Variants in SFMBT1 observed in about 807,000 individuals in gnomAD.
SFMBT1 encodes Scm like with four mbt domains 1.
Under a neutral mutation model 108.7 loss-of-function variants are expected in SFMBT1, and 32 were observed. That is an observed-to-expected ratio of 0.29 (90% CI 0.22 to 0.40). The LOEUF (loss-of-function observed/expected upper bound fraction) is 0.40, where lower values mean the gene tolerates loss of function less well. Ranked by LOEUF, SFMBT1 falls within the 10% of genes least tolerant of loss-of-function variation. The probability of loss-of-function intolerance (pLI) is 1.00; values close to 1 mark genes in which losing one functional copy is unlikely to be tolerated. For synonymous variants in SFMBT1, 348 were observed against 369.5 expected, an observed-to-expected ratio of 0.94 and a Z score of 0.67; for missense variants, 816 against 1,059.6, an observed-to-expected ratio of 0.77 and a Z score of 3.19.
At chr3:53,021,190 G>A (rs916240678) in intron 1 of SFMBT1, among the ~76,000 whole-genome samples, 1 of 152,140 alleles carries the variant, frequency 6.6e-6, no homozygotes, top group Non-Finnish European at 1.5e-5. Flanking sequence ...CATTTCTAAC[G>A]AAAGACCAAA....
At chr3:53,023,126 G>A (rs1053252430) in intron 1 of SFMBT1, among the ~76,000 whole-genome samples, 3 of 152,140 alleles carry the variant, frequency 2.0e-5, no homozygotes, top group Admixed American at 6.5e-5. Context: ...GGAGCAACCC[G>A]ACCTTTAAAT....
chr3:52,949,164 T>C (rs147255606), intron 3 of SFMBT1, among the ~76,000 whole-genome samples: 1 of 152,190 alleles, frequency 6.6e-6, no homozygotes, highest in Non-Finnish European at 1.5e-5. Flanking sequence ...AATTTCACTG[T>C]GGTTTGAGAG....
chr3:53,031,722 G>A (rs544951942), intron 1 of SFMBT1, among the ~76,000 whole-genome samples: 8 of 152,066 alleles, frequency 5.3e-5, no homozygotes, highest in Admixed American at 1.3e-4. Flanking sequence ...ATGCCATGGT[G>A]ATTAAAAGAC....
chr3:52,969,308 C>CA, intron 1 of SFMBT1, 50 bp from the exon 2 acceptor site: 1 of 1,450,268 alleles, frequency 6.9e-7, no homozygotes, highest in Non-Finnish European at 9.0e-7. Flanking sequence ...CAAGTGTGCT[C>CA]ACTCACTCAT....
At chr3:52,950,108 T>C (rs537034424) in intron 3 of SFMBT1, among the ~76,000 whole-genome samples, 4 of 152,348 alleles carry the variant, frequency 2.6e-5, no homozygotes, top group East Asian at 3.9e-4. Context: ...TGATTACTGA[T>C]ATAGTTGGAT....
intron 1 of SFMBT1, among the ~76,000 whole-genome samples, chr3:52,986,327 A>G (rs1559538206): frequency 6.6e-6 from 1 of 152,148 alleles, no homozygotes; most frequent in African/African-American, 2.4e-5. Context: ...AGCCACATTA[A>G]ATTTGTTTTA....
In SFMBT1 at chr3:52,905,288, T is replaced by A; in HGVS notation, c.2461-12A>T. The A allele has an allele frequency of 6.2e-7, 1 of 1,610,908 alleles. No individual in the cohort carries two copies. Among genetic ancestry groups the A allele is most frequent in the Non-Finnish European group, 8.5e-7 (1 of 1,178,654 alleles). On this transcript the variant is annotated splice_polypyrimidine_tract_variant and intron_variant, in intron 20 of 20. Transcript: ENST00000394752. ...TGCCCATCAATTTCCTGTTAAAGCA[T>A]AAAAGACAAATTATCTGTGATGTGC... is the stretch of plus-strand genomic sequence containing the variant.
At chr3:52,910,982 C>T (rs555071503) in intron 17 of SFMBT1, 21 bp downstream of exon 17, 8 of 1,612,908 alleles carry the variant, frequency 5.0e-6, no homozygotes, top group East Asian at 4.5e-5. Flanking sequence ...ATGGTTAACA[C>T]ATTGGAAAAA....
At position 52,972,720 on chromosome 3, in the gene SFMBT1, C is replaced by T. The variant is rs1015312755; in HGVS notation, c.-130-3462G>A. Among the ~76,000 whole-genome samples the T allele has an allele frequency of 3.1e-3, 449 of 145,926 alleles. 4 individuals carry two copies. The highest frequency in any genetic ancestry group is 6.5e-3 in the East Asian group (31 of 4,766). ...ATCAGGAGTTTGACAGCCTGGCCAA[C>T]GTGGTAAAACCCCATCTCTACTAAA... On this transcript the variant is annotated intron_variant, in intron 1 of 20. Coordinates refer to ENST00000394752, the MANE Select transcript of SFMBT1 (RefSeq NM_016329.4).
intron 3 of SFMBT1, among the ~76,000 whole-genome samples, chr3:52,945,839 A>T (rs900970109): frequency 2.0e-5 from 3 of 152,066 alleles, no homozygotes; most frequent in African/African-American, 7.2e-5. Context: ...AAAAGAGATA[A>T]ACATTGCAGG....
chr3:53,004,119 C>A (rs968427799), intron 1 of SFMBT1, among the ~76,000 whole-genome samples: 14 of 149,678 alleles, frequency 9.4e-5, no homozygotes, highest in African/African-American at 3.4e-4. Context: ...GAAACAAATT[C>A]ATATTTCCTC....
intron 3 of SFMBT1, among the ~76,000 whole-genome samples, chr3:52,953,350 G>A (rs947630184): frequency 9.2e-5 from 14 of 152,074 alleles, no homozygotes; most frequent in African/African-American, 3.4e-4. Flanking sequence ...TTACTTAAGA[G>A]GCTGAGGTGG....
Position 52,928,084 on chromosome 3 carries a change from G to C in SFMBT1, c.1048+107C>G, listed in dbSNP as rs564671087. 8 of 1,416,300 alleles carry C rather than the reference G, an allele frequency of 5.6e-6. No homozygotes were observed. The South Asian group carries it at 9.4e-5, about 17-fold the overall frequency. 87.7% of individuals were successfully genotyped at this position (1,416,300 alleles called of 1,614,324 possible). On this transcript the variant is annotated intron_variant, in intron 9 of 20. Coordinates refer to ENST00000394752, the MANE Select transcript of SFMBT1 (RefSeq NM_016329.4). Reference sequence around the variant, plus strand: ...TCAGACCCCAAAAACGTTAGGAACAGGCTAGGGCAGGAGGAGAGGGACAAA... The same window carrying C: ...TCAGACCCCAAAAACGTTAGGAACACGCTAGGGCAGGAGGAGAGGGACAAA...
rs59842273 is a variant in SFMBT1 at position 52,949,568 on chromosome 3, C to CTTTTTTTTTTTTT, written c.123+4736_123+4748dup. Reference sequence around the variant, plus strand: ...CCCTTTATTATTATGTAATGTCCTTCTTTTTTTTTTTTTTTTTTTTTTTTT... The same window carrying CTTTTTTTTTTTTT: ...CCCTTTATTATTATGTAATGTCCTTCTTTTTTTTTTTTTTTTTTTTTTTTTTTTTTTTTTTTTT... On this transcript the variant is annotated intron_variant, in intron 3 of 20. Transcript: ENST00000394752. Among the ~76,000 whole-genome samples the CTTTTTTTTTTTTT allele has an allele frequency of 7.0e-4, 54 of 77,412 alleles. 3 individuals are homozygous for CTTTTTTTTTTTTT. Among genetic ancestry groups the CTTTTTTTTTTTTT allele is most frequent in the African/African-American group, 3.0e-3 (53 of 17,554 alleles). 50.8% of individuals were successfully genotyped at this position (77,412 alleles called of 152,430 possible).
At position 53,008,796 on chromosome 3, in the gene SFMBT1, C is replaced by T. The variant is rs553623893; in HGVS notation, c.-131+37020G>A. Among the ~76,000 whole-genome samples, 18 of 152,074 alleles carry T rather than the reference C, an allele frequency of 1.2e-4. No homozygotes were observed. The East Asian group carries it at 2.2e-3, about 18-fold the overall frequency. Reference sequence around the variant, plus strand: ...ACTACAAGGCACCCGCCACCACGCCCGGCTAATTTTTTGTATTTTTAGTAG... The same window carrying T: ...ACTACAAGGCACCCGCCACCACGCCTGGCTAATTTTTTGTATTTTTAGTAG... On this transcript the variant is annotated intron_variant, in intron 1 of 20. Coordinates refer to ENST00000394752, the MANE Select transcript of SFMBT1 (RefSeq NM_016329.4).
At chr3:52,952,191 T>C (rs1363199875) in intron 3 of SFMBT1, among the ~76,000 whole-genome samples, 4 of 152,004 alleles carry the variant, frequency 2.6e-5, no homozygotes, top group African/African-American at 7.2e-5. Flanking sequence ...ACCCCATCTC[T>C]ACTAAAAATA....
At chr3:52,906,043 T>G in intron 20 of SFMBT1, 70 bp downstream of exon 20, 9 of 1,518,042 alleles carry the variant, frequency 5.9e-6, no homozygotes, top group Non-Finnish European at 8.1e-6. Flanking sequence ...TGTAAATAAA[T>G]TGTTGACTAT....
intron 1 of SFMBT1, among the ~76,000 whole-genome samples, chr3:53,021,295 G>C (rs2581778): frequency 2.0e-5 from 3 of 151,878 alleles, no homozygotes; most frequent in Non-Finnish European, 2.9e-5. Context: ...CTTAAAACCT[G>C]ATGTCAAGGA....
At chr3:52,960,271 T>TCA (rs1703915904) in intron 2 of SFMBT1, among the ~76,000 whole-genome samples, 1 of 152,008 alleles carries the variant, frequency 6.6e-6, no homozygotes, top group South Asian at 2.1e-4. Context: ...AGAATACGTA[T>TCA]CAACTTCAAC....
Sources: allele counts gnomAD v4.1 joint callset (sites outside exome capture counted in the v4.1 genomes callset), GRCh38; gene constraint gnomAD v4.1.1; transcripts MANE v1.5; gene names NCBI Gene and HGNC (gene_info 2026-07-23, HGNC 2026-07-21).